LRP1: variants seen among roughly 807,000 people sequenced by gnomAD.
The protein encoded by LRP1 is LDL receptor related protein 1, also known as prolow-density lipoprotein receptor-related protein 1.
In LRP1, 51 loss-of-function variants were observed where a neutral mutation model predicts 541.5. That is an observed-to-expected ratio of 0.09 (90% CI 0.08 to 0.12). LRP1 has a LOEUF of 0.12. LRP1 is among the 10% of genes least tolerant of loss of function. The pLI, the probability that LRP1 is intolerant of heterozygous loss-of-function variation, is 1.00. For synonymous variants in LRP1, 2,219 were observed against 2,470.8 expected, an observed-to-expected ratio of 0.90 and a Z score of 3.02; for missense variants, 3,878 against 6,376.2, an observed-to-expected ratio of 0.61 and a Z score of 13.34.
intron 6 of LRP1, among the ~76,000 whole-genome samples, chr12:57,152,474 G>A (rs574997065): frequency 2.0e-5 from 3 of 152,268 alleles, no homozygotes; most frequent in Non-Finnish European, 2.9e-5. Context: ...TCCCTGCTTT[G>A]AGACTTCGAT....
chr12:57,186,333 G>T (rs1186529830), intron 41 of LRP1, among the ~76,000 whole-genome samples: 1 of 152,220 alleles, frequency 6.6e-6, no homozygotes, highest in African/African-American at 2.4e-5. Flanking sequence ...GCTTAGCTCA[G>T]TGATGCTGGG....
chr12:57,178,891 T>C lies in LRP1; in HGVS notation c.4608T>C (p.Ala1536=), dbSNP rs1472804339. 2 of 1,611,726 alleles carry C rather than the reference T, an allele frequency of 1.2e-6. No individual in the cohort carries two copies. Among genetic ancestry groups the C allele is most frequent in the African/African-American group, 2.7e-5 (2 of 74,906 alleles). ...TTCTCTTCTCCACCCTGCCCCCAGCTCCCAATCCCTGTGAGGCCAATGGGG... is the reference window on the plus strand; with the variant it reads ...TTCTCTTCTCCACCCTGCCCCCAGCCCCCAATCCCTGTGAGGCCAATGGGG... ...QVYHPSRQPM[A]PNPCEANGGQ... The change falls in exon 28 of 89, where the codon GCT becomes GCC. Residue 1536 remains alanine (A), a splice_region_variant and synonymous_variant. Coordinates refer to ENST00000243077, the MANE Select transcript of LRP1 (RefSeq NM_002332.3). The surrounding 1 kb of genome is among the most constrained non-coding windows in gnomAD (Gnocchi z 5.8).
chr12:57,141,129 G>A lies in LRP1; in HGVS notation c.191-245G>A, dbSNP rs1799737. Among the ~76,000 whole-genome samples the A allele has an allele frequency of 0.31, 47,051 of 152,044 alleles. 7,810 individuals are homozygous for A. Among genetic ancestry groups the A allele is most frequent in the Admixed American group, 0.44 (6,793 of 15,290 alleles). On this transcript the variant is annotated intron_variant, in intron 2 of 88. Transcript: ENST00000243077. ...AGAATGTTGAGGCACTGGGGTCCAT[G>A]GGAATGGGGCATTTGGAGGGTGGAC...
Position 57,205,953 on chromosome 12 carries a change from G to A in LRP1, c.11590+276G>A, listed in dbSNP as rs2036769093. On this transcript the variant is annotated intron_variant, in intron 75 of 88. Transcript: ENST00000243077. The surrounding 1 kb of genome is among the most constrained non-coding windows in gnomAD (Gnocchi z 4.6). ...CCAGGACGAGAGTACACTCAGACAC[G>A]CATTGCACACTCACAGTCATGGGGG... Among the ~76,000 whole-genome samples, 4 of 152,098 alleles carry A rather than the reference G, an allele frequency of 2.6e-5. No homozygotes were observed. The highest frequency in any genetic ancestry group is 5.9e-5 in the Non-Finnish European group (4 of 68,010).
chr12:57,128,594 G>A lies in LRP1; in HGVS notation c.-371G>A. The A allele has an allele frequency of 2.4e-6, 1 of 413,694 alleles. No homozygotes were observed. The highest frequency in any genetic ancestry group is 4.3e-6 in the Non-Finnish European group (1 of 233,550). 25.6% of individuals were successfully genotyped at this position (413,694 alleles called of 1,614,324 possible). On this transcript the variant is annotated 5_prime_UTR_variant, in exon 1 of 89. Transcript: ENST00000243077. The stretch of plus-strand genomic sequence containing the variant: ...CCCCCTCCAAAGGCTCCCCTACCCG[G>A]TCCACGCCCCCCACCCCCCCTCCCC...
chr12:57,208,939 T>C (rs2036848337), intron 78 of LRP1, 122 bp downstream of exon 78: 2 of 1,080,744 alleles, frequency 1.9e-6, no homozygotes, highest in Non-Finnish European at 1.4e-6. Flanking sequence ...GCAGGGCAGA[T>C]TGGCCGTGGA....
Position 57,128,903 on chromosome 12 carries a change from G to A in LRP1, c.-62G>A, listed in dbSNP as rs571987529. 2 of 1,428,700 alleles carry A rather than the reference G, an allele frequency of 1.4e-6. No individual in the cohort carries two copies. Among genetic ancestry groups the A allele is most frequent in the African/African-American group, 2.8e-5 (2 of 70,740 alleles). The allele number at this position is 1,428,700 out of a possible 1,614,324, so 88.5% of individuals were successfully genotyped here. The stretch of plus-strand genomic sequence containing the variant: ...AAAGGGGGACCCCCCAACTGGGGGG[G>A]GTGAAGGAGAGAAGTAGCAGGACCA... On this transcript the variant is annotated 5_prime_UTR_variant, in exon 1 of 89. Transcript: ENST00000243077.
chr12:57,133,256 A>G (rs954369196), intron 1 of LRP1, among the ~76,000 whole-genome samples: 1 of 148,386 alleles, frequency 6.7e-6, no homozygotes, highest in Non-Finnish European at 1.5e-5. Context: ...GGTGAGTGAT[A>G]TGGTGACCTC....
Position 57,187,424 on chromosome 12 carries a change from C to T in LRP1, c.6999C>T (p.His2333=). The change falls in exon 42 of 89, where the codon CAC becomes CAT. Residue 2333 remains histidine (H), a synonymous_variant. Transcript: ENST00000243077. ...ETVITMSGDD[H]PRAFVLDECQ... ...TCATCACTATGTCTGGAGATGACCA[C>T]CCACGGGCCTTCGTTTTGGACGAGT... The T allele has an allele frequency of 1.2e-6, 2 of 1,614,000 alleles. No individual in the cohort carries two copies. Among genetic ancestry groups the T allele is most frequent in the Non-Finnish European group, 1.7e-6 (2 of 1,179,972 alleles).
chr12:57,165,733 G>A lies in LRP1; in HGVS notation c.2531-72G>A, dbSNP rs995274390. ...AAAAATAGTAAAACAAACAAAAATG[G>A]TGCAAAGGGCTTAGTACTTGTCCCA... On this transcript the variant is annotated intron_variant, in intron 15 of 88. Transcript: ENST00000243077. The surrounding 1 kb of genome is among the most constrained non-coding windows in gnomAD (Gnocchi z 4.5). The A allele has an allele frequency of 2.7e-6, 4 of 1,476,490 alleles. No homozygotes were observed. In the African/African-American group the frequency reaches 4.2e-5, roughly 16 times the overall value. The allele number at this position is 1,476,490 out of a possible 1,614,324, so 91.5% of individuals were successfully genotyped here.
chr12:57,200,826 G>GCACC lies in LRP1; in HGVS notation c.10225+12_10225+13insACCC. On this transcript the variant is annotated intron_variant, in intron 64 of 88. Transcript: ENST00000243077. ...ACGAGGCCAACTGTGGTAAGGCGCT[G>GCACC]CCCGCCCACCCTCCCTCCTTCCCCA... 3 of 1,581,438 alleles carry GCACC rather than the reference G, an allele frequency of 1.9e-6. No homozygotes were observed. Among genetic ancestry groups the GCACC allele is most frequent in the South Asian group, 2.2e-5 (2 of 90,000 alleles).
intron 2 of LRP1, among the ~76,000 whole-genome samples, chr12:57,140,628 C>A (rs1402043686): frequency 6.6e-6 from 1 of 152,238 alleles, no homozygotes; most frequent in East Asian, 1.9e-4. Context: ...TGGCACCACT[C>A]TTGGCCCTGG....
rs1174810363 is a variant in LRP1 at position 57,178,566 on chromosome 12, T to C, written c.4569T>C (p.Phe1523=). The C allele has an allele frequency of 6.2e-7, 1 of 1,614,182 alleles. No individual in the cohort carries two copies. Among genetic ancestry groups the C allele is most frequent in the Non-Finnish European group, 8.5e-7 (1 of 1,180,014 alleles). ...TACAGAGGACCAACACCCAGCCCTTTGACCTGCAGGTGTACCACCCCTCCC... is the reference window on the plus strand; with the variant it reads ...TACAGAGGACCAACACCCAGCCCTTCGACCTGCAGGTGTACCACCCCTCCC... ...TVVQRTNTQP[F]DLQVYHPSRQ... Residue 1523 remains phenylalanine, a synonymous_variant, in exon 27 of 89, where the codon TTT becomes TTC. Coordinates refer to ENST00000243077, the MANE Select transcript of LRP1 (RefSeq NM_002332.3). This position sits in a 1 kb window ranked among gnomAD's most constrained non-coding sequence, Gnocchi z 5.8.
chr12:57,154,245 C>T lies in LRP1; in HGVS notation c.879C>T (p.Asn293=). ...TGGCCATCGACTGGCTGACAGGCAA[C>T]TTCTACTTTGTGGATGACATCGATG... ...EQMAIDWLTG[N]FYFVDDIDDR... Residue 293 remains asparagine, a synonymous_variant, in exon 7 of 89, where the codon AAC becomes AAT. Coordinates refer to ENST00000243077, the MANE Select transcript of LRP1 (RefSeq NM_002332.3). This position sits in a 1 kb window ranked among gnomAD's most constrained non-coding sequence, Gnocchi z 4.6. 1 of 1,614,218 alleles carries T rather than the reference C, an allele frequency of 6.2e-7. No individual in the cohort carries two copies. Among genetic ancestry groups the T allele is most frequent in the Non-Finnish European group, 8.5e-7 (1 of 1,180,026 alleles).
chr12:57,191,594 C>T, intron 44 of LRP1, 82 bp downstream of exon 44: 1 of 1,255,472 alleles, frequency 8.0e-7, no homozygotes, highest in Admixed American at 2.1e-5. Context: ...ACACACATCG[C>T]ACATACCACA....
intron 33 of LRP1, 90 bp downstream of exon 33, chr12:57,180,897 G>C: frequency 6.5e-7 from 1 of 1,548,234 alleles, no homozygotes; most frequent in Non-Finnish European, 8.8e-7. Flanking sequence ...GGGCAAGGGA[G>C]TAAGTGGGTT....
In LRP1 at chr12:57,158,255, G is replaced by A. The variant is rs1406029563; in HGVS notation, c.1562-147G>A. On this transcript the variant is annotated intron_variant, in intron 10 of 88. Coordinates refer to ENST00000243077, the MANE Select transcript of LRP1 (RefSeq NM_002332.3). The surrounding 1 kb of genome is among the most constrained non-coding windows in gnomAD (Gnocchi z 5.3). ...TCGTCCTGTATGTTAGCGTGTGCGTGGTCTGTCCATCTGACCCAGAGCCTC... is the reference window on the plus strand; with the variant it reads ...TCGTCCTGTATGTTAGCGTGTGCGTAGTCTGTCCATCTGACCCAGAGCCTC... The A allele has an allele frequency of 1.0e-5, 7 of 688,450 alleles. No individual in the cohort carries two copies. Among genetic ancestry groups the A allele is most frequent in the Non-Finnish European group, 1.8e-5 (7 of 393,332 alleles). 42.6% of individuals were successfully genotyped at this position (688,450 alleles called of 1,614,324 possible).
chr12:57,201,234 G>A lies in LRP1; in HGVS notation c.10345+81G>A. The A allele has an allele frequency of 6.3e-7, 1 of 1,589,660 alleles. No homozygotes were observed. Among genetic ancestry groups the A allele is most frequent in the South Asian group, 1.1e-5 (1 of 88,572 alleles). ...AGGCAGAATCTCCCCACAGCTTTGA[G>A]AGGCTCTCAAATAACTTTAGTAGAT... is the stretch of plus-strand genomic sequence containing the variant. On this transcript the variant is annotated intron_variant, in intron 65 of 88. Coordinates refer to ENST00000243077, the MANE Select transcript of LRP1 (RefSeq NM_002332.3). This position sits in a 1 kb window ranked among gnomAD's most constrained non-coding sequence, Gnocchi z 6.4.
chr12:57,184,203 C>T lies in LRP1; in HGVS notation c.6048C>T (p.His2016=), dbSNP rs1373335051. The T allele has an allele frequency of 6.2e-7, 1 of 1,613,870 alleles. No individual in the cohort carries two copies. The highest frequency in any genetic ancestry group is 8.5e-7 in the Non-Finnish European group (1 of 1,179,796). ...ACAAGCCCCGGGCCATCACCGTCCACCCGGAGAAAGGGTGAGGAGCTGGAA... is the reference window on the plus strand; with the variant it reads ...ACAAGCCCCGGGCCATCACCGTCCATCCGGAGAAAGGGTGAGGAGCTGGAA... The part of the protein sequence containing the change: ...GLDKPRAITV[H]PEKGYLFWTE... Residue 2016 remains histidine (H), a synonymous_variant, in exon 37 of 89, where the codon CAC becomes CAT. Transcript: ENST00000243077. The surrounding 1 kb of genome is among the most constrained non-coding windows in gnomAD (Gnocchi z 7.8).
Sources: gnomAD v4.1 joint callset for allele counts (sites outside exome capture counted in the v4.1 genomes callset) on GRCh38, gnomAD v4.1.1 for gene constraint, Gnocchi (gnomAD v3.1) non-coding constraint, MANE v1.5 for transcripts, NCBI Gene and HGNC (gene_info 2026-07-23, HGNC 2026-07-21) for gene names.